The following ATCAY variants were observed in gnomAD, a reference collection of about 807,000 sequenced individuals.
The protein encoded by ATCAY is ATCAY kinesin light chain interacting caytaxin.
ATCAY carries 22 observed loss-of-function variants against 47.7 expected under a neutral mutation model. That is an observed-to-expected ratio of 0.46 (90% CI 0.33 to 0.66). ATCAY has a LOEUF of 0.66. ATCAY is among the 30% of genes least tolerant of loss of function. ATCAY has a pLI of 0.02. For synonymous variants in ATCAY, 216 were observed against 207.6 expected, an observed-to-expected ratio of 1.04 and a Z score of -0.35; for missense variants, 452 against 515.0, an observed-to-expected ratio of 0.88 and a Z score of 1.18.
intron 6 of ATCAY, among the ~76,000 whole-genome samples, 164 bp from the exon 7 acceptor site, chr19:3,909,322 C>T (rs1222507021): frequency 6.6e-6 from 1 of 151,392 alleles, no homozygotes; most frequent in East Asian, 2.0e-4. Context: ...GGATCATCCA[C>T]GTCCTCTCCC....
At chr19:3,924,430 G>A (rs919514276) in intron 12 of ATCAY, among the ~76,000 whole-genome samples, 153 bp from the exon 13 acceptor site, 4 of 152,218 alleles carry the variant, frequency 2.6e-5, no homozygotes, top group Non-Finnish European at 4.4e-5. Flanking sequence ...GTGGGTGGCA[G>A]GAGCCGGGCC....
At chr19:3,916,557 T>G (rs1200494324) in intron 9 of ATCAY, among the ~76,000 whole-genome samples, 6 of 152,096 alleles carry the variant, frequency 3.9e-5, no homozygotes, top group Non-Finnish European at 8.8e-5. Context: ...GCAGTGGCGC[T>G]ATCTTGGCTC....
chr19:3,889,881 T>G (rs908169906), intron 2 of ATCAY, among the ~76,000 whole-genome samples: 11 of 152,206 alleles, frequency 7.2e-5, no homozygotes, highest in Admixed American at 5.9e-4. Context: ...ATCTCCAGCG[T>G]TATTACTATT....
intron 6 of ATCAY, among the ~76,000 whole-genome samples, 166 bp downstream of exon 6, chr19:3,908,536 G>T (rs548750393): frequency 1.3e-5 from 2 of 152,032 alleles, no homozygotes; most frequent in East Asian, 3.9e-4. Context: ...TGGCCCTGAG[G>T]CTCACAGTGG....
intron 2 of ATCAY, among the ~76,000 whole-genome samples, chr19:3,886,571 C>T (rs1262829294): frequency 7.0e-6 from 1 of 142,188 alleles, no homozygotes; most frequent in Non-Finnish European, 1.5e-5. Context: ...GCCTGGGCGA[C>T]AGGTGAGACT....
At chr19:3,918,423 T>C (rs1225152566) in intron 10 of ATCAY, among the ~76,000 whole-genome samples, 1 of 151,256 alleles carries the variant, frequency 6.6e-6, no homozygotes, top group African/African-American at 2.4e-5. Context: ...TGTGGTGGCA[T>C]GCGCCTGTAG....
chr19:3,917,570 G>A (rs562619936), intron 9 of ATCAY, among the ~76,000 whole-genome samples, 172 bp from the exon 10 acceptor site: 24 of 101,330 alleles, frequency 2.4e-4, no homozygotes, highest in Middle Eastern at 0.012. Flanking sequence ...GGGCGACAGT[G>A]CAAGACTCCA....
chr19:3,903,982 C>CA (rs59631453), intron 3 of ATCAY, among the ~76,000 whole-genome samples: 3,910 of 78,942 alleles, frequency 0.05, 95 homozygotes, highest in African/African-American at 0.084. Flanking sequence ...ACTAAAGATA[C>CA]AAAAAAAAAA....
rs186256363 is a variant in ATCAY, at chr19:3,905,689, G to A, written c.358+34G>A. ...CAGGGTCTCTCTGGGGCCTGCTGGAGCCCACCCCCCCCACCCCACCTTTCC... is the reference window on the plus strand; with the variant it reads ...CAGGGTCTCTCTGGGGCCTGCTGGAACCCACCCCCCCCACCCCACCTTTCC... On this transcript the variant is annotated intron_variant, in intron 4 of 12. Transcript: ENST00000450849. 1.7e-5 allele frequency: 26 copies of A among 1,557,318 alleles called. No homozygotes were observed. In the African/African-American group the frequency reaches 3.3e-4, roughly 20 times the overall value.
At chr19:3,899,443 AGC>A (rs1326760366) in intron 2 of ATCAY, among the ~76,000 whole-genome samples, 3 of 149,486 alleles carry the variant, frequency 2.0e-5, no homozygotes, top group African/African-American at 7.4e-5. Flanking sequence ...CCTCCCCAGT[AGC>A]TGAGACTGCA....
chr19:3,922,405 G>T (rs145632805), intron 12 of ATCAY, among the ~76,000 whole-genome samples: 8 of 152,300 alleles, frequency 5.3e-5, no homozygotes, highest in Non-Finnish European at 8.8e-5. Context: ...CTGAGCAAAG[G>T]GGGGAAAGCC....
intron 2 of ATCAY, among the ~76,000 whole-genome samples, chr19:3,900,194 CT>C (rs1487672923): frequency 6.9e-6 from 1 of 145,878 alleles, no homozygotes; most frequent in Admixed American, 7.1e-5. Context: ...TTTCTTTTCT[CT>C]CTTTTTTTTT....
intron 2 of ATCAY, among the ~76,000 whole-genome samples, chr19:3,896,833 G>A (rs2038774271): frequency 6.6e-6 from 1 of 151,950 alleles, no homozygotes; most frequent in Non-Finnish European, 1.5e-5. Context: ...CTGGAGTGCA[G>A]TGTCACGATC....
intron 10 of ATCAY, 106 bp downstream of exon 10, chr19:3,917,883 T>C: frequency 7.7e-7 from 1 of 1,301,374 alleles, no homozygotes. Context: ...GGGACCATTG[T>C]CCTGTGCAGG....
chr19:3,899,630 T>A (rs538471331), intron 2 of ATCAY, among the ~76,000 whole-genome samples: 56 of 152,238 alleles, frequency 3.7e-4, no homozygotes, highest in African/African-American at 1.2e-3. Context: ...ATCATTTTTT[T>A]AAAGGAAAGG....
intron 12 of ATCAY, among the ~76,000 whole-genome samples, chr19:3,922,997 G>A (rs995680867): frequency 3.3e-5 from 5 of 152,014 alleles, no homozygotes; most frequent in Admixed American, 2.0e-4. Flanking sequence ...CACCCGCTTC[G>A]GCCTCCCAAA....
chr19:3,889,471 C>G (rs1199379031), intron 2 of ATCAY, among the ~76,000 whole-genome samples: 1 of 151,840 alleles, frequency 6.6e-6, no homozygotes, highest in African/African-American at 2.4e-5. Context: ...CTGGTGTGCA[C>G]CTGTAGTTTC....
chr19:3,896,048 T>C (rs1159399250), intron 2 of ATCAY, among the ~76,000 whole-genome samples: 1 of 152,044 alleles, frequency 6.6e-6, no homozygotes, highest in East Asian at 1.9e-4. Flanking sequence ...GATGGGGTCT[T>C]GCTGTGTGGG....
chr19:3,881,899 A>AT (rs1328380306), intron 1 of ATCAY, among the ~76,000 whole-genome samples: 191 of 61,506 alleles, frequency 3.1e-3, no homozygotes, highest in South Asian at 4.9e-3. Flanking sequence ...TCCAGGAGGG[A>AT]TTTTTTTTTT....
Sources: gnomAD v4.1 joint callset for allele counts (sites outside exome capture counted in the v4.1 genomes callset) on GRCh38, gnomAD v4.1.1 for gene constraint, MANE v1.5 for transcripts, NCBI Gene and HGNC (gene_info 2026-07-23, HGNC 2026-07-21) for gene names.